The following TMEM163 variants were observed in gnomAD, a reference collection of about 807,000 sequenced individuals.
TMEM163 encodes transmembrane protein 163.
Under a neutral mutation model 29.3 loss-of-function variants are expected in TMEM163, and 17 were observed. The observed-to-expected ratio is 0.58, with a 90% CI of 0.40 to 0.87. The LOEUF (loss-of-function observed/expected upper bound fraction) is 0.87, where lower values mean the gene tolerates loss of function less well. Among genes scored for constraint, TMEM163 ranks in the 40% least tolerant of loss-of-function variants. The pLI, the probability that TMEM163 is intolerant of heterozygous loss-of-function variation, is 0.00. For synonymous variants in TMEM163, 157 were observed against 160.6 expected (o/e 0.98, Z 0.17); for missense variants, 303 against 381.5 (o/e 0.79, Z 1.71).
chr2:134,526,238 T>C (rs1425874222), intron 4 of TMEM163, among the ~76,000 whole-genome samples: 1 of 152,198 alleles, frequency 6.6e-6, no homozygotes, highest in African/African-American at 2.4e-5. Context: ...TTCCTTCTTT[T>C]TAATAAAAGA....
chr2:134,498,850 G>A (rs904627324), intron 5 of TMEM163, among the ~76,000 whole-genome samples: 1 of 152,232 alleles, frequency 6.6e-6, no homozygotes, highest in Non-Finnish European at 1.5e-5. Flanking sequence ...GGAGGCCGGA[G>A]CCAAAAAGCC....
intron 2 of TMEM163, among the ~76,000 whole-genome samples, chr2:134,650,227 AT>A (rs1683438864): frequency 6.6e-6 from 1 of 152,046 alleles, no homozygotes; most frequent in Non-Finnish European, 1.5e-5. Flanking sequence ...TCATTAACAC[AT>A]AAAAAGGAGC....
intron 2 of TMEM163, among the ~76,000 whole-genome samples, chr2:134,656,000 C>T (rs1354792529): frequency 2.1e-5 from 3 of 145,560 alleles, no homozygotes; most frequent in Non-Finnish European, 4.4e-5. Flanking sequence ...GCTGTCTTTT[C>T]CTTTGTCTGT....
intron 7 of TMEM163, among the ~76,000 whole-genome samples, 189 bp from the exon 8 acceptor site, chr2:134,456,965 A>G (rs1380009039): frequency 1.3e-5 from 2 of 149,466 alleles, no homozygotes; most frequent in Non-Finnish European, 3.0e-5. Flanking sequence ...TGTACCATTC[A>G]CTCCCCATCC....
intron 2 of TMEM163, among the ~76,000 whole-genome samples, chr2:134,599,014 TAA>T (rs34207224): frequency 1.7e-3 from 208 of 124,296 alleles, no homozygotes; most frequent in African/African-American, 3.6e-3. Flanking sequence ...GCCATTCCGT[TAA>T]AAAAAAAAAA....
At chr2:134,644,371 G>A (rs1367512215) in intron 2 of TMEM163, among the ~76,000 whole-genome samples, 3 of 152,126 alleles carry the variant, frequency 2.0e-5, no homozygotes, top group Non-Finnish European at 1.5e-5. Flanking sequence ...TTACTAGAAA[G>A]CTACGGTAAT....
At chr2:134,614,796 G>C (rs1203935948) in intron 2 of TMEM163, among the ~76,000 whole-genome samples, 1 of 152,038 alleles carries the variant, frequency 6.6e-6, no homozygotes, top group East Asian at 1.9e-4. Flanking sequence ...GGAGGTTGCA[G>C]TGAACTGAGA....
intron 4 of TMEM163, among the ~76,000 whole-genome samples, chr2:134,519,664 A>G (rs1162157232): frequency 2.0e-5 from 3 of 151,964 alleles, no homozygotes; most frequent in African/African-American, 7.3e-5. Context: ...GTGAGCCGAG[A>G]TCGTGCCACT....
intron 4 of TMEM163, among the ~76,000 whole-genome samples, chr2:134,539,066 T>C (rs1016286415): frequency 2.6e-5 from 4 of 152,328 alleles, no homozygotes; most frequent in South Asian, 4.1e-4. Flanking sequence ...ATAACCCCCA[T>C]GTATTGAGTA....
Position 134,668,823 on chromosome 2 carries a change from T to C in TMEM163, c.322+44377A>G, listed in dbSNP as rs866213804. ...GGGACTAAGCATACATGTATATATA[T>C]ATTTGCAGGCAAGATGGGCCTGTGT... On this transcript the variant is annotated intron_variant, in intron 2 of 7. Coordinates refer to ENST00000281924, the MANE Select transcript of TMEM163 (RefSeq NM_030923.5). Among the ~76,000 whole-genome samples the C allele has an allele frequency of 3.3e-5, 5 of 151,898 alleles. No homozygotes were observed. In the South Asian group the frequency reaches 1.0e-3, roughly 32 times the overall value.
chr2:134,676,241 T>C (rs1684112694), intron 2 of TMEM163, among the ~76,000 whole-genome samples: 2 of 152,190 alleles, frequency 1.3e-5, no homozygotes, highest in African/African-American at 2.4e-5. Flanking sequence ...ACTGAAAATG[T>C]AACCATCAGC....
chr2:134,667,877 A>C lies in TMEM163; in HGVS notation c.322+45323T>G, dbSNP rs77550406. ...GTCTAAATCCACCAATATCACCTAG[A>C]CACATTCAGTGACATTTAGAATATT... On this transcript the variant is annotated intron_variant, in intron 2 of 7. Coordinates refer to ENST00000281924, the MANE Select transcript of TMEM163 (RefSeq NM_030923.5). 5.0e-3 allele frequency among the ~76,000 whole-genome samples: 758 copies of C among 152,308 alleles called. 9 individuals carry two copies. The highest frequency in any genetic ancestry group is 0.017 in the African/African-American group (725 of 41,564).
chr2:134,625,934 T>G (rs4954155), intron 2 of TMEM163, among the ~76,000 whole-genome samples: 1 of 151,746 alleles, frequency 6.6e-6, no homozygotes, highest in Non-Finnish European at 1.5e-5. Context: ...TTCCCATTGC[T>G]GCTATAACAA....
chr2:134,498,325 C>T (rs1185578725), intron 5 of TMEM163, among the ~76,000 whole-genome samples: 1 of 151,754 alleles, frequency 6.6e-6, no homozygotes, highest in Non-Finnish European at 1.5e-5. Context: ...CTGCAGTCTC[C>T]ACCGATGCTT....
intron 2 of TMEM163, among the ~76,000 whole-genome samples, chr2:134,702,581 G>T (rs1237873938): frequency 2.6e-5 from 4 of 152,132 alleles, no homozygotes; most frequent in Admixed American, 1.3e-4. Context: ...GAAGGTCAAG[G>T]CTGCAGTGAG....
chr2:134,693,461 T>C (rs1338334979), intron 2 of TMEM163, among the ~76,000 whole-genome samples: 1 of 151,794 alleles, frequency 6.6e-6, no homozygotes, highest in Non-Finnish European at 1.5e-5. Flanking sequence ...AGAAAAAAAT[T>C]AGCCGGGCAT....
intron 7 of TMEM163, among the ~76,000 whole-genome samples, 193 bp from the exon 8 acceptor site, chr2:134,456,969 C>T (rs1686411285): frequency 6.6e-6 from 1 of 152,062 alleles, no homozygotes; most frequent in Non-Finnish European, 1.5e-5. Flanking sequence ...CCATTCACTC[C>T]CCATCCTCCC....
intron 2 of TMEM163, among the ~76,000 whole-genome samples, chr2:134,607,649 G>A (rs1342401699): frequency 2.7e-4 from 6 of 22,438 alleles, no homozygotes; most frequent in Admixed American, 2.5e-3. Context: ...GACAGACCCC[G>A]AGAACTGTGC....
chr2:134,615,689 C>A (rs1343724700), intron 2 of TMEM163, among the ~76,000 whole-genome samples: 1 of 118,758 alleles, frequency 8.4e-6, no homozygotes, highest in African/African-American at 3.3e-5. Flanking sequence ...TGGAATCTGG[C>A]TCTGTCACCC....
Sources: gnomAD v4.1 joint callset for allele counts (sites outside exome capture counted in the v4.1 genomes callset) on GRCh38, gnomAD v4.1.1 for gene constraint, MANE v1.5 for transcripts, NCBI Gene and HGNC (gene_info 2026-07-23, HGNC 2026-07-21) for gene names.